RNGTT: variants seen among roughly 807,000 people sequenced by gnomAD.
RNGTT encodes the protein mRNA-capping enzyme.
Under a neutral mutation model 79.3 loss-of-function variants are expected in RNGTT, and 33 were observed. That is an observed-to-expected ratio of 0.42 (90% CI 0.32 to 0.56). The LOEUF (loss-of-function observed/expected upper bound fraction) is 0.56. Ranked by LOEUF, RNGTT falls within the 20% of genes least tolerant of loss-of-function variation. RNGTT has a pLI of 0.17. For synonymous variants in RNGTT, 222 were observed against 235.9 expected, an observed-to-expected ratio of 0.94 and a Z score of 0.54; for missense variants, 497 against 739.1, an observed-to-expected ratio of 0.67 and a Z score of 3.80.
At chr6:88,906,710 T>C (rs1264918578) in intron 4 of RNGTT, among the ~76,000 whole-genome samples, 1 of 152,172 alleles carries the variant, frequency 6.6e-6, no homozygotes, top group Non-Finnish European at 1.5e-5. Flanking sequence ...CTCCTAAAGC[T>C]AGAAGATTCC....
chr6:88,885,383 C>T (rs1158163563), intron 8 of RNGTT, among the ~76,000 whole-genome samples: 3 of 152,024 alleles, frequency 2.0e-5, no homozygotes, highest in East Asian at 1.9e-4. Context: ...GGGCTCTCAA[C>T]GGTCAAATGA....
At chr6:88,903,119 A>T (rs1261227258) in intron 6 of RNGTT, among the ~76,000 whole-genome samples, 1 of 152,254 alleles carries the variant, frequency 6.6e-6, no homozygotes, top group African/African-American at 2.4e-5. Flanking sequence ...CACTAGTGGC[A>T]CAAAAAAAGA....
intron 14 of RNGTT, among the ~76,000 whole-genome samples, chr6:88,644,195 A>C (rs1773439346): frequency 6.6e-6 from 1 of 152,228 alleles, no homozygotes; most frequent in South Asian, 2.1e-4. Flanking sequence ...ACAGAAATAC[A>C]AACTACCATC....
At chr6:88,664,891 G>A (rs548952288) in intron 14 of RNGTT, among the ~76,000 whole-genome samples, 2 of 152,178 alleles carry the variant, frequency 1.3e-5, no homozygotes, top group South Asian at 2.1e-4. Flanking sequence ...TGACCACCCC[G>A]GTCGCCCCCT....
intron 14 of RNGTT, among the ~76,000 whole-genome samples, chr6:88,656,148 C>G (rs930492905): frequency 6.6e-6 from 1 of 152,116 alleles, no homozygotes; most frequent in African/African-American, 2.4e-5. Context: ...AAAAACTTCC[C>G]TTTTTAATTT....
At chr6:88,940,071 T>C (rs887844449) in intron 2 of RNGTT, among the ~76,000 whole-genome samples, 2 of 151,446 alleles carry the variant, frequency 1.3e-5, no homozygotes, top group African/African-American at 4.9e-5. Context: ...TTTTTCTTTT[T>C]TTTTTTTCTT....
chr6:88,910,603 T>G (rs1172213390), intron 4 of RNGTT, among the ~76,000 whole-genome samples: 1 of 152,178 alleles, frequency 6.6e-6, no homozygotes, highest in African/African-American at 2.4e-5. Flanking sequence ...TCTCCAAAGT[T>G]GCTAGACAGG....
chr6:88,893,094 A>AT (rs1783106953), intron 6 of RNGTT, among the ~76,000 whole-genome samples: 1 of 152,098 alleles, frequency 6.6e-6, no homozygotes, highest in African/African-American at 2.4e-5. Flanking sequence ...GTTTAAAACC[A>AT]TTTTTATCAT....
chr6:88,763,910 C>T (rs1000921249), intron 13 of RNGTT, among the ~76,000 whole-genome samples: 3 of 152,190 alleles, frequency 2.0e-5, no homozygotes, highest in Admixed American at 2.0e-4. Flanking sequence ...ACCTGTTAGG[C>T]TACCATTTTT....
rs939988841 is a variant in RNGTT at position 88,952,125 on chromosome 6, C to T, written c.65-10945G>A. ...ACCAGCCTCACCAACTGCATGGGAGCTGGGTGAAGCCTTTCATTACCAGCT... is the reference window on the plus strand; with the variant it reads ...ACCAGCCTCACCAACTGCATGGGAGTTGGGTGAAGCCTTTCATTACCAGCT... On this transcript the variant is annotated intron_variant, in intron 1 of 15. Coordinates refer to ENST00000369485, the MANE Select transcript of RNGTT (RefSeq NM_003800.5). 3.3e-5 allele frequency among the ~76,000 whole-genome samples: 5 copies of T among 152,078 alleles called. 1 individual carries two copies. In the South Asian group the frequency reaches 1.0e-3, roughly 32 times the overall value.
chr6:88,645,853 C>T (rs961233022), intron 14 of RNGTT, among the ~76,000 whole-genome samples: 3 of 152,142 alleles, frequency 2.0e-5, no homozygotes, highest in African/African-American at 4.8e-5. Context: ...AAAAATTAGT[C>T]AAGATGGATT....
intron 4 of RNGTT, among the ~76,000 whole-genome samples, chr6:88,917,313 C>A (rs1244907933): frequency 6.6e-6 from 1 of 152,062 alleles, no homozygotes; most frequent in African/African-American, 2.4e-5. Context: ...CATTGAACAA[C>A]TCTCAATAAA....
intron 13 of RNGTT, among the ~76,000 whole-genome samples, chr6:88,682,538 G>A (rs1775129091): frequency 6.6e-6 from 1 of 152,180 alleles, no homozygotes; most frequent in Non-Finnish European, 1.5e-5. Flanking sequence ...CTAGTGGGAT[G>A]TAAATTTAAA....
chr6:88,852,008 C>T (rs1781690217), intron 9 of RNGTT, among the ~76,000 whole-genome samples: 1 of 151,158 alleles, frequency 6.6e-6, no homozygotes, highest in Admixed American at 6.6e-5. Flanking sequence ...AGCCCACGTC[C>T]ATCAAAAATC....
intron 14 of RNGTT, among the ~76,000 whole-genome samples, chr6:88,631,812 T>C (rs970052145): frequency 1.2e-5 from 1 of 81,432 alleles, no homozygotes. Context: ...AGGCTATATA[T>C]ATTTTTTGTT....
rs1025622289 is a variant in RNGTT at position 88,883,988 on chromosome 6, G to A, written c.896+6507C>T. Among the ~76,000 whole-genome samples, 18 of 152,234 alleles carry A rather than the reference G, an allele frequency of 1.2e-4. No individual in the cohort carries two copies. The East Asian group carries it at 1.9e-3, about 16-fold the overall frequency. ...ACTAACCAGATTGGTGAAAAAATTT[G>A]CCAACACATTCTGTTAGCAAGGCTG... On this transcript the variant is annotated intron_variant, in intron 8 of 15. Transcript: ENST00000369485.
chr6:88,842,797 C>G (rs1781338629), intron 11 of RNGTT, among the ~76,000 whole-genome samples: 1 of 152,096 alleles, frequency 6.6e-6, no homozygotes, highest in Admixed American at 6.5e-5. Flanking sequence ...TTCAGCCAGG[C>G]ATGGTGGCTC....
At chr6:88,914,736 A>G (rs1783942592) in intron 4 of RNGTT, among the ~76,000 whole-genome samples, 1 of 152,068 alleles carries the variant, frequency 6.6e-6, no homozygotes, top group Non-Finnish European at 1.5e-5. Flanking sequence ...TAGGCATAGA[A>G]TTTATGTCTA....
At chr6:88,889,178 T>A (rs1472413956) in intron 8 of RNGTT, among the ~76,000 whole-genome samples, 2 of 152,164 alleles carry the variant, frequency 1.3e-5, no homozygotes, top group East Asian at 3.8e-4. Context: ...TTTTGTCAAA[T>A]GAATATGTCT....
Sources: allele counts gnomAD v4.1 joint callset (sites outside exome capture counted in the v4.1 genomes callset), GRCh38; gene constraint gnomAD v4.1.1; transcripts MANE v1.5; gene names NCBI Gene and HGNC (gene_info 2026-07-23, HGNC 2026-07-21).